The following PRPSAP2 variants were observed in gnomAD, a reference collection of about 807,000 sequenced individuals.
The protein encoded by PRPSAP2 is phosphoribosyl pyrophosphate synthetase associated protein 2.
In PRPSAP2, 24 loss-of-function variants were observed where a neutral mutation model predicts 40.6. The observed-to-expected ratio is 0.59, with a 90% CI of 0.43 to 0.83. The LOEUF (loss-of-function observed/expected upper bound fraction) is 0.83. PRPSAP2 is among the 40% of genes least tolerant of loss of function. The pLI is 0.00. For synonymous variants in PRPSAP2, 149 were observed against 164.7 expected (o/e 0.90, Z 0.73); for missense variants, 292 against 465.6 (o/e 0.63, Z 3.43).
At chr17:18,865,124 C>T (rs3764448) in intron 1 of PRPSAP2, among the ~76,000 whole-genome samples, 80,963 of 152,076 alleles carry the variant, frequency 0.53, 21,827 homozygotes, top group Middle Eastern at 0.59. Flanking sequence ...GGATTACAGG[C>T]GTGAGCCACC....
rs542507273 is a variant in PRPSAP2, at chr17:18,911,905, G to A, written c.733+654G>A. 9.9e-4 allele frequency among the ~76,000 whole-genome samples: 151 copies of A among 152,260 alleles called. 1 individual carries two copies. Among genetic ancestry groups the A allele is most frequent in the African/African-American group, 3.5e-3 (147 of 41,556 alleles). On this transcript the variant is annotated intron_variant, in intron 9 of 11. Coordinates refer to ENST00000268835, the MANE Select transcript of PRPSAP2 (RefSeq NM_002767.4). The surrounding 1 kb of genome is among the most constrained non-coding windows in gnomAD (Gnocchi z 4.5). ...GCCAGCACTGACCCCGTGATGGGCC[G>A]GGCACGGTGGCTCACGCCTGTAATC...
intron 1 of PRPSAP2, among the ~76,000 whole-genome samples, chr17:18,862,589 C>G (rs973652264): frequency 1.3e-5 from 2 of 152,066 alleles, no homozygotes; most frequent in South Asian, 4.1e-4. Context: ...TTACAGTCAC[C>G]TGTGGGGTCA....
chr17:18,889,385 A>G (rs1030884896), intron 7 of PRPSAP2, among the ~76,000 whole-genome samples: 12 of 152,190 alleles, frequency 7.9e-5, no homozygotes, highest in Non-Finnish European at 1.2e-4. Flanking sequence ...TTATCCTTTA[A>G]CAAATTGGTT....
intron 8 of PRPSAP2, among the ~76,000 whole-genome samples, chr17:18,901,994 G>A (rs1291227769): frequency 6.6e-6 from 1 of 151,620 alleles, no homozygotes; most frequent in African/African-American, 2.4e-5. Flanking sequence ...ATGTTGCCAG[G>A]TCTGGTCTCT....
Position 18,894,207 on chromosome 17 carries a change from G to A in PRPSAP2, c.584+4330G>A, listed in dbSNP as rs377701262. Among the ~76,000 whole-genome samples, 6 of 151,968 alleles carry A rather than the reference G, an allele frequency of 3.9e-5. No homozygotes were observed. In the East Asian group the frequency reaches 1.2e-3, roughly 29 times the overall value. ...AGTTTCGCTCTTGTTGCCCAGGCTG[G>A]GGTACAATGGCACGATCTCAGCTCA... On this transcript the variant is annotated intron_variant, in intron 8 of 11. Transcript: ENST00000268835.
intron 9 of PRPSAP2, among the ~76,000 whole-genome samples, chr17:18,916,223 T>C (rs2041303129): frequency 6.6e-6 from 1 of 152,154 alleles, no homozygotes; most frequent in South Asian, 2.1e-4. Flanking sequence ...ACAGTCTTTT[T>C]CTAGCCTTTT....
At chr17:18,864,565 A>G (rs1419052091) in intron 1 of PRPSAP2, among the ~76,000 whole-genome samples, 4 of 152,134 alleles carry the variant, frequency 2.6e-5, no homozygotes, top group African/African-American at 9.7e-5. Flanking sequence ...TGCTGGGATT[A>G]CAGGTCTGAG....
intron 8 of PRPSAP2, among the ~76,000 whole-genome samples, chr17:18,901,593 G>T (rs2040272706): frequency 6.6e-6 from 1 of 152,000 alleles, no homozygotes; most frequent in Non-Finnish European, 1.5e-5. Flanking sequence ...AGCAAGGATG[G>T]TCTCTATCTC....
chr17:18,868,660 A>C (rs2037607717), intron 4 of PRPSAP2, among the ~76,000 whole-genome samples: 1 of 152,040 alleles, frequency 6.6e-6, no homozygotes, highest in African/African-American at 2.4e-5. Flanking sequence ...AGTTTTTGGC[A>C]CACAGTAGGT....
At position 18,924,061 on chromosome 17, in the gene PRPSAP2, T is replaced by C. The variant is rs543815544; in HGVS notation, c.804+77T>C. Reference sequence around the variant, plus strand: ...TTGATTGATTGATTGATTGATTTTATTACAGAGACTCACTGTCGCCCAGGC... The same window carrying C: ...TTGATTGATTGATTGATTGATTTTACTACAGAGACTCACTGTCGCCCAGGC... On this transcript the variant is annotated intron_variant, in intron 10 of 11. Coordinates refer to ENST00000268835, the MANE Select transcript of PRPSAP2 (RefSeq NM_002767.4). The C allele has an allele frequency of 2.1e-6, 3 of 1,398,346 alleles. No homozygotes were observed. In the African/African-American group the frequency reaches 4.3e-5, roughly 20 times the overall value. 86.6% of individuals were successfully genotyped at this position (1,398,346 alleles called of 1,614,324 possible). A position where few individuals can be genotyped will look rare whatever the true frequency, so the allele number is the denominator to read the frequency against.
At chr17:18,920,632 G>A (rs1175451963) in intron 9 of PRPSAP2, among the ~76,000 whole-genome samples, 2 of 151,946 alleles carry the variant, frequency 1.3e-5, no homozygotes, top group South Asian at 2.1e-4. Context: ...GTAGCATCTC[G>A]AATATAAAGA....
At chr17:18,882,529 C>G in intron 6 of PRPSAP2, 39 bp from the exon 7 acceptor site, 1 of 1,301,190 alleles carries the variant, frequency 7.7e-7, no homozygotes, top group South Asian at 1.3e-5. Context: ...AAAACAAAAA[C>G]AAAACTATTT....
chr17:18,917,699 T>C (rs1444509608), intron 9 of PRPSAP2, among the ~76,000 whole-genome samples: 1 of 147,140 alleles, frequency 6.8e-6, no homozygotes, highest in Non-Finnish European at 1.5e-5. Flanking sequence ...GGCCTCCCAA[T>C]GTGCTGGGAT....
chr17:18,866,051 TTTATAA>T (rs2037401853), intron 3 of PRPSAP2, 99 bp downstream of exon 3: 10 of 807,648 alleles, frequency 1.2e-5, no homozygotes, highest in Non-Finnish European at 1.5e-5. Flanking sequence ...AAGCAGATAT[TTTATAA>T]TTATAAAATA....
intron 10 of PRPSAP2, among the ~76,000 whole-genome samples, chr17:18,927,267 T>A (rs1483813871): frequency 6.6e-6 from 1 of 152,180 alleles, no homozygotes; most frequent in African/African-American, 2.4e-5. Flanking sequence ...CACCCAACAC[T>A]GTTGCACTGG....
intron 9 of PRPSAP2, among the ~76,000 whole-genome samples, chr17:18,919,667 A>C (rs1308518840): frequency 6.6e-6 from 1 of 152,188 alleles, no homozygotes; most frequent in East Asian, 1.9e-4. Flanking sequence ...CCCTGTCTCT[A>C]AAAAAGATAG....
intron 7 of PRPSAP2, among the ~76,000 whole-genome samples, chr17:18,884,521 C>T (rs1393625843): frequency 1.3e-5 from 2 of 151,974 alleles, no homozygotes; most frequent in African/African-American, 2.4e-5. Flanking sequence ...AAAAATATTT[C>T]CAGAGTCAGA....
chr17:18,885,250 A>T (rs2039046346), intron 7 of PRPSAP2, among the ~76,000 whole-genome samples: 1 of 151,738 alleles, frequency 6.6e-6, no homozygotes, highest in Non-Finnish European at 1.5e-5. Context: ...AAAATATAAA[A>T]ATTAACCAGG....
At chr17:18,862,131 G>A (rs1474727503) in intron 1 of PRPSAP2, among the ~76,000 whole-genome samples, 1 of 152,106 alleles carries the variant, frequency 6.6e-6, no homozygotes, top group Non-Finnish European at 1.5e-5. Context: ...CAGGTAATCC[G>A]CCTGCCTCGC....
Sources: gnomAD v4.1 joint callset for allele counts (sites outside exome capture counted in the v4.1 genomes callset) on GRCh38, gnomAD v4.1.1 for gene constraint, Gnocchi (gnomAD v3.1) non-coding constraint, MANE v1.5 for transcripts, NCBI Gene and HGNC (gene_info 2026-07-23, HGNC 2026-07-21) for gene names.